METTL2B: variants seen among roughly 807,000 people sequenced by gnomAD.
The protein encoded by METTL2B is tRNA N(3)-cytidine methyltransferase METTL2B.
Under a neutral mutation model 51.0 loss-of-function variants are expected in METTL2B, and 28 were observed. That is an observed-to-expected ratio of 0.55 (90% CI 0.41 to 0.75). The LOEUF (loss-of-function observed/expected upper bound fraction) is 0.75, where lower values mean the gene tolerates loss of function less well. METTL2B is among the 30% of genes least tolerant of loss of function. The pLI is 0.00. For missense variants in METTL2B, 313 were observed against 460.7 expected (o/e 0.68, Z 2.93); for synonymous variants, 128 against 166.3 (o/e 0.77, Z 1.77).
Position 128,488,170 on chromosome 7 carries a change from G to T in METTL2B, c.669+9G>T. The T allele has an allele frequency of 6.2e-7, 1 of 1,611,442 alleles. No individual in the cohort carries two copies. ...CTATAGAACTGGTCCAGGTGAGTAC[G>T]ATGGGAAATTACCTATTGGTAATTT... On this transcript the variant is annotated intron_variant, in intron 5 of 8. Transcript: ENST00000262432.
chr7:128,503,917 G>A lies in METTL2B; in HGVS notation c.*2001G>A, dbSNP rs1370626404. 6.6e-6 allele frequency: 1 copy of A among 152,144 alleles called. No homozygotes were observed. Among genetic ancestry groups the A allele is most frequent in the African/African-American group, 2.4e-5 (1 of 41,440 alleles). The allele number at this position is 152,144 out of a possible 1,614,324, so 9.4% of individuals were successfully genotyped here. ...GGAGGCTGAGGTAGGAGAATTGCTTGAACCTGGGAGGCGGAGGTTGCAGTG... is the reference window on the plus strand; with the variant it reads ...GGAGGCTGAGGTAGGAGAATTGCTTAAACCTGGGAGGCGGAGGTTGCAGTG... On this transcript the variant is annotated 3_prime_UTR_variant, in exon 9 of 9. Coordinates refer to ENST00000262432, the MANE Select transcript of METTL2B (RefSeq NM_018396.3).
chr7:128,481,069 C>G lies in METTL2B; in HGVS notation c.608+373C>G, dbSNP rs1799866842. On this transcript the variant is annotated intron_variant, in intron 4 of 8. Transcript: ENST00000262432. ...TAAGGAACAAATGTGTTCAACTTTT[C>G]CATTCTCATGATCTCTGAAGAACAG... Among the ~76,000 whole-genome samples the G allele has an allele frequency of 2.6e-5, 4 of 152,180 alleles. No individual in the cohort carries two copies. In the South Asian group the frequency reaches 8.3e-4, roughly 32 times the overall value.
chr7:128,477,201 T>C (rs1415952568), intron 2 of METTL2B, 28 bp downstream of exon 2: 25 of 1,613,304 alleles, frequency 1.5e-5, no homozygotes, highest in Non-Finnish European at 2.0e-5. Context: ...CTCGTTGGTA[T>C]CAACAGCCAG....
At position 128,502,940 on chromosome 7, in the gene METTL2B, A is replaced by T. The variant is rs1793058457; in HGVS notation, c.*1024A>T. 1 of 200,516 alleles carries T rather than the reference A, an allele frequency of 5.0e-6. No homozygotes were observed. Among genetic ancestry groups the T allele is most frequent in the Non-Finnish European group, 1.0e-5 (1 of 97,132 alleles). The allele number at this position is 200,516 out of a possible 1,614,324, so 12.4% of individuals were successfully genotyped here. A position where few individuals can be genotyped will look rare whatever the true frequency, so the allele number is the denominator to read the frequency against. ...AAAAATCTTAGTTCCATGGAATTTT[A>T]AGCACTGTTCCCCCTCTAACCTATG... On this transcript the variant is annotated 3_prime_UTR_variant, in exon 9 of 9. Transcript: ENST00000262432.
At chr7:128,489,953 A>G (rs1489468703) in intron 5 of METTL2B, among the ~76,000 whole-genome samples, 4 of 152,144 alleles carry the variant, frequency 2.6e-5, no homozygotes, top group Non-Finnish European at 2.9e-5. Context: ...TAAGGTAACA[A>G]TGAAGTTTAC....
Position 128,501,858 on chromosome 7 carries a change from T to C in METTL2B, c.1079T>C (p.Met360Thr), listed in dbSNP as rs773126594. 4 of 1,614,160 alleles carry C rather than the reference T, an allele frequency of 2.5e-6. No homozygotes were observed. The East Asian group carries it at 6.7e-5, about 27-fold the overall frequency. Residue 360 changes from methionine (M) to threonine (T), a missense_variant, in exon 9 of 9, where the codon ATG (methionine) becomes ACG (threonine). Physicochemically the swap from Met to Thr is moderately conservative, Grantham distance 81. Transcript: ENST00000262432. ...LQVNRGKQLT[M>T]YRVWIQCKYC... The stretch of plus-strand genomic sequence containing the variant: ...GTGAACCGAGGGAAGCAACTGACAA[T>C]GTACCGGGTTTGGATTCAGTGCAAA...
In METTL2B at chr7:128,505,933, G is replaced by C. The variant is rs565275213; in HGVS notation, c.*4017G>C. ...CAGCCTCGACCTCCCATGCTCAAGT[G>C]ATTCTCCCACCCCAGCCTCCCAAGT... is the stretch of plus-strand genomic sequence containing the variant. On this transcript the variant is annotated 3_prime_UTR_variant, in exon 9 of 9. Transcript: ENST00000262432. 14 of 152,304 alleles carry C rather than the reference G, an allele frequency of 9.2e-5. No individual in the cohort carries two copies. Among genetic ancestry groups the C allele is most frequent in the African/African-American group, 3.4e-4 (14 of 41,568 alleles). 9.4% of individuals were successfully genotyped at this position (152,304 alleles called of 1,614,324 possible). A position where few individuals can be genotyped will look rare whatever the true frequency, so the allele number is the denominator to read the frequency against.
chr7:128,486,860 G>C (rs1792728288), intron 4 of METTL2B, among the ~76,000 whole-genome samples: 1 of 152,232 alleles, frequency 6.6e-6, no homozygotes, highest in African/African-American at 2.4e-5. Context: ...AGGAGGCAAA[G>C]ACTGCAATGA....
rs564898982 is a variant in METTL2B at position 128,479,502 on chromosome 7, C to G, written c.547C>G (p.Arg183Gly). ...DEFPGSSATYRILEVGCGVGN... is the reference protein window; with the variant it reads ...DEFPGSSATYGILEVGCGVGN... Reference sequence around the variant, plus strand: ...GTTTCCTGGATCCTCAGCCACCTACCGAATACTGGAGGTAACCTTTTATTG... The same window carrying G: ...GTTTCCTGGATCCTCAGCCACCTACGGAATACTGGAGGTAACCTTTTATTG... The change falls in exon 3 of 9, where the codon CGA becomes GGA. Residue 183 changes from arginine to glycine, a missense_variant. Physicochemically the swap from Arg to Gly is moderately radical, Grantham distance 125 (BLOSUM62 -2). This residue lies in a region of METTL2B where 42 missense variants were observed against 113.4 expected (regional missense o/e 0.37). Transcript: ENST00000262432. 5 of 1,613,526 alleles carry G rather than the reference C, an allele frequency of 3.1e-6. No individual in the cohort carries two copies. The highest frequency in any genetic ancestry group is 4.5e-5 in the East Asian group (2 of 44,876).
In METTL2B at chr7:128,504,915, A is replaced by G. The variant is rs1414948426; in HGVS notation, c.*2999A>G. On this transcript the variant is annotated 3_prime_UTR_variant, in exon 9 of 9. Transcript: ENST00000262432. Reference sequence around the variant, plus strand: ...GGAGTTCGAGACCAGCCTGACCAACATGGAGAAACCCCGTCTCTACTAAAA... The same window carrying G: ...GGAGTTCGAGACCAGCCTGACCAACGTGGAGAAACCCCGTCTCTACTAAAA... 6.6e-6 allele frequency: 1 copy of G among 151,904 alleles called. No homozygotes were observed. Among genetic ancestry groups the G allele is most frequent in the African/African-American group, 2.4e-5 (1 of 41,368 alleles). 9.4% of individuals were successfully genotyped at this position (151,904 alleles called of 1,614,324 possible). A position where few individuals can be genotyped will look rare whatever the true frequency, so the allele number is the denominator to read the frequency against.
rs939541387 is a variant in METTL2B at position 128,506,327 on chromosome 7, G to A, written c.*4411G>A. Reference sequence around the variant, plus strand: ...ATCCCTAAAGCATTGCAAAACTATAGGCACAGTTTTTATTTTATCTTTCTG... The same window carrying A: ...ATCCCTAAAGCATTGCAAAACTATAAGCACAGTTTTTATTTTATCTTTCTG... On this transcript the variant is annotated 3_prime_UTR_variant, in exon 9 of 9. Transcript: ENST00000262432. 2 of 152,084 alleles carry A rather than the reference G, an allele frequency of 1.3e-5. No individual in the cohort carries two copies. The highest frequency in any genetic ancestry group is 4.8e-5 in the African/African-American group (2 of 41,414). 9.4% of individuals were successfully genotyped at this position (152,084 alleles called of 1,614,324 possible). A position where few individuals can be genotyped will look rare whatever the true frequency, so the allele number is the denominator to read the frequency against.
At position 128,477,089 on chromosome 7, in the gene METTL2B, G is replaced by A. The variant is rs1467841190; in HGVS notation, c.118G>A (p.Val40Met). 1.2e-6 allele frequency: 2 copies of A among 1,614,068 alleles called. No individual in the cohort carries two copies. The highest frequency in any genetic ancestry group is 2.2e-5 in the East Asian group (1 of 44,892). ...RVFHHNAWDN[V>M]EWSEEQAAAA... The stretch of plus-strand genomic sequence containing the variant: ...CCCGTTTGATTTTCTCAGGGACAAT[G>A]TGGAGTGGTCGGAAGAGCAAGCCGC... Residue 40 changes from valine to methionine, a missense_variant, in exon 2 of 9, where the codon GTG becomes ATG. By Grantham distance (21) the Val-to-Met change is conservative. Coordinates refer to ENST00000262432, the MANE Select transcript of METTL2B (RefSeq NM_018396.3).
Position 128,502,163 on chromosome 7 carries a change from G to T in METTL2B, c.*247G>T, listed in dbSNP as rs1263507451. ...TGATGCTGGACAATTCAAGAATTCA[G>T]ACTTGAACCTTAAACCTAGGAAAAG... On this transcript the variant is annotated 3_prime_UTR_variant, in exon 9 of 9. Coordinates refer to ENST00000262432, the MANE Select transcript of METTL2B (RefSeq NM_018396.3). 2 of 470,086 alleles carry T rather than the reference G, an allele frequency of 4.3e-6. No individual in the cohort carries two copies. Among genetic ancestry groups the T allele is most frequent in the Non-Finnish European group, 7.3e-6 (2 of 275,344 alleles). 29.1% of individuals were successfully genotyped at this position (470,086 alleles called of 1,614,324 possible).
intron 4 of METTL2B, among the ~76,000 whole-genome samples, chr7:128,482,006 A>G (rs1799878150): frequency 6.6e-6 from 1 of 152,214 alleles, no homozygotes; most frequent in Non-Finnish European, 1.5e-5. Context: ...AAGGAGAAGA[A>G]GAAAATAGTT....
Position 128,504,676 on chromosome 7 carries a change from A to G in METTL2B, c.*2760A>G, listed in dbSNP as rs1053435458. 2 of 149,596 alleles carry G rather than the reference A, an allele frequency of 1.3e-5. No individual in the cohort carries two copies. 9.3% of individuals were successfully genotyped at this position (149,596 alleles called of 1,614,324 possible). On this transcript the variant is annotated 3_prime_UTR_variant, in exon 9 of 9. Coordinates refer to ENST00000262432, the MANE Select transcript of METTL2B (RefSeq NM_018396.3). ...GGCCAAGACCCTGACTTTTTAAAAA[A>G]TGTTAAACATAGGCCGGGTGCAGTG...
Position 128,479,310 on chromosome 7 carries a change from A to T in METTL2B, c.355A>T (p.Asn119Tyr), listed in dbSNP as rs1563026281. 2.5e-6 allele frequency: 4 copies of T among 1,614,226 alleles called. No individual in the cohort carries two copies. The highest frequency in any genetic ancestry group is 3.4e-6 in the Non-Finnish European group (4 of 1,180,040). The change falls in exon 3 of 9, where the codon AAC becomes TAC. Residue 119 changes from asparagine (N) to tyrosine (Y), a missense_variant. Physicochemically the swap from Asn to Tyr is moderately radical, Grantham distance 143. Transcript: ENST00000262432. ...TCATTTGAAGGATTGGTTCTTGGAG[A>T]ACAAGAGTGAAGTATGTGAATGTAG... ...QNHLKDWFLE[N>Y]KSEVCECRNN... is the part of the protein sequence containing the mutation.
chr7:128,496,967 G>A lies in METTL2B; in HGVS notation c.810-1069G>A, dbSNP rs187480683. 8.5e-5 allele frequency among the ~76,000 whole-genome samples: 13 copies of A among 152,224 alleles called. 1 individual carries two copies. The highest frequency in any genetic ancestry group is 4.6e-4 in the Admixed American group (7 of 15,272). On this transcript the variant is annotated intron_variant, in intron 6 of 8. Transcript: ENST00000262432. ...GGCTAATTTTTTTGTATTTTTAGTA[G>A]AGACAGGGTTTCACCATGTTGGTCT...
chr7:128,498,711 A>G (rs1792971227), intron 7 of METTL2B, among the ~76,000 whole-genome samples: 1 of 152,132 alleles, frequency 6.6e-6, no homozygotes, highest in Non-Finnish European at 1.5e-5. Context: ...AAGACATTTG[A>G]AAGACAGCCG....
intron 6 of METTL2B, 68 bp from the exon 7 acceptor site, chr7:128,497,968 T>G (rs1305001243): frequency 5.9e-6 from 9 of 1,534,586 alleles, no homozygotes; most frequent in South Asian, 1.1e-5. Flanking sequence ...TTTTGGGATA[T>G]GCTACAGGGA....
Sources: gnomAD v4.1 joint callset for allele counts (sites outside exome capture counted in the v4.1 genomes callset) on GRCh38, gnomAD v4.1.1 for gene constraint, gnomAD v4.1.1 regional missense constraint, MANE v1.5 for transcripts, NCBI Gene and HGNC (gene_info 2026-07-23, HGNC 2026-07-21) for gene names.